The following MTUS2 variants were observed in gnomAD, a reference collection of about 807,000 sequenced individuals.
MTUS2 encodes the protein microtubule-associated tumor suppressor candidate 2.
In MTUS2, 40 loss-of-function variants were observed where a neutral mutation model predicts 114.1. That is an observed-to-expected ratio of 0.35 (90% CI 0.27 to 0.46). The LOEUF is 0.46. Ranked by LOEUF, MTUS2 falls within the 20% of genes least tolerant of loss-of-function variation. The probability of loss-of-function intolerance (pLI) is 1.00; values close to 1 mark genes in which losing one functional copy is unlikely to be tolerated. For missense variants in MTUS2, 1,679 were observed against 1,705.4 expected, an observed-to-expected ratio of 0.98 and a Z score of 0.27; for synonymous variants, 688 against 672.0, an observed-to-expected ratio of 1.02 and a Z score of -0.37.
At position 29,323,608 on chromosome 13, in the gene MTUS2, A is replaced by T. The variant is rs555426653; in HGVS notation, c.2807-1005A>T. On this transcript the variant is annotated intron_variant, in intron 6 of 15. Transcript: ENST00000612955. ...CACTGATAAGAAAAAGATCTCCAAA[A>T]ATGTGGGTAGGTAAAAAGAAATTGC... 7.1e-4 allele frequency among the ~76,000 whole-genome samples: 108 copies of T among 152,278 alleles called. 1 individual carries two copies. The highest frequency in any genetic ancestry group is 2.5e-3 in the African/African-American group (105 of 41,560).
At chr13:28,890,860 C>G (rs1240067368) in intron 2 of MTUS2, among the ~76,000 whole-genome samples, 2 of 152,202 alleles carry the variant, frequency 1.3e-5, no homozygotes, top group Non-Finnish European at 2.9e-5. Context: ...TCATTTGAGC[C>G]AGCTGTGTCT....
At chr13:29,285,567 T>C (rs74530647) in intron 6 of MTUS2, among the ~76,000 whole-genome samples, 2 of 152,302 alleles carry the variant, frequency 1.3e-5, no homozygotes, top group Non-Finnish European at 2.9e-5. Flanking sequence ...AGTTAACTAC[T>C]GATTTACTAG....
At chr13:29,281,387 CTGTGTGTG>C (rs755842647) in intron 5 of MTUS2, among the ~76,000 whole-genome samples, 1 of 149,932 alleles carries the variant, frequency 6.7e-6, no homozygotes, top group Admixed American at 6.7e-5. Context: ...CATAAGCGAA[CTGTGTGTG>C]TGTGTGCATG....
At chr13:29,132,652 C>T (rs957723083) in intron 5 of MTUS2, among the ~76,000 whole-genome samples, 2 of 152,164 alleles carry the variant, frequency 1.3e-5, no homozygotes, top group Admixed American at 1.3e-4. Flanking sequence ...ATAATGTCCT[C>T]AGGGTTCATT....
chr13:28,981,781 G>A (rs1335029383), intron 2 of MTUS2, among the ~76,000 whole-genome samples: 1 of 152,192 alleles, frequency 6.6e-6, no homozygotes, highest in Non-Finnish European at 1.5e-5. Flanking sequence ...TCAGGAAACT[G>A]TGGTACTCTA....
intron 6 of MTUS2, among the ~76,000 whole-genome samples, chr13:29,309,912 T>C (rs1413047019): frequency 6.6e-6 from 1 of 152,150 alleles, no homozygotes; most frequent in Non-Finnish European, 1.5e-5. Context: ...TTTCTTTATG[T>C]TACAAACAAT....
chr13:28,848,207 T>C (rs1876016280), intron 2 of MTUS2, among the ~76,000 whole-genome samples: 2 of 152,214 alleles, frequency 1.3e-5, no homozygotes, highest in South Asian at 4.1e-4. Context: ...AAGAATTTAC[T>C]ATCTTTCCAA....
At chr13:29,441,952 A>G (rs1159329530) in intron 9 of MTUS2, among the ~76,000 whole-genome samples, 1 of 152,052 alleles carries the variant, frequency 6.6e-6, no homozygotes, top group African/African-American at 2.4e-5. Context: ...TTCTCCACTC[A>G]CCGGCTTTAG....
intron 8 of MTUS2, among the ~76,000 whole-genome samples, chr13:29,435,511 G>T (rs1392066153): frequency 3.3e-5 from 5 of 152,186 alleles, no homozygotes; most frequent in African/African-American, 1.2e-4. Context: ...CTTTCCAAGG[G>T]AGTCCCGGGT....
chr13:28,954,932 GC>G (rs1566249539), intron 2 of MTUS2, among the ~76,000 whole-genome samples: 1 of 152,136 alleles, frequency 6.6e-6, no homozygotes, highest in Non-Finnish European at 1.5e-5. Flanking sequence ...TCTGTTGACT[GC>G]CCCCAGACAG....
chr13:28,906,485 T>A (rs1243095033), intron 2 of MTUS2, among the ~76,000 whole-genome samples: 1 of 150,842 alleles, frequency 6.6e-6, no homozygotes, highest in Admixed American at 6.6e-5. Context: ...AAAGAACATC[T>A]TTATTTCTGC....
At chr13:28,975,618 A>C (rs1353524215) in intron 2 of MTUS2, among the ~76,000 whole-genome samples, 1 of 152,232 alleles carries the variant, frequency 6.6e-6, no homozygotes, top group African/African-American at 2.4e-5. Flanking sequence ...TCTGGACATA[A>C]TAACATCTGT....
At chr13:29,239,261 GGAA>G (rs1896646510) in intron 5 of MTUS2, 1 of 152,086 alleles carries the variant, frequency 6.6e-6, no homozygotes, top group Non-Finnish European at 1.5e-5. Flanking sequence ...AGTAAAGCTG[GGAA>G]GAAAGAACAC....
intron 2 of MTUS2, among the ~76,000 whole-genome samples, chr13:28,861,775 G>A (rs1050245868): frequency 1.3e-5 from 2 of 152,140 alleles, no homozygotes; most frequent in Non-Finnish European, 2.9e-5. Flanking sequence ...AGCCTGAGGA[G>A]TGCCTGTGTG....
chr13:29,388,324 G>C (rs1024435299), intron 8 of MTUS2, among the ~76,000 whole-genome samples: 1 of 151,704 alleles, frequency 6.6e-6, no homozygotes, highest in Non-Finnish European at 1.5e-5. Flanking sequence ...CTTTTTTGTC[G>C]TTTACCTGAT....
intron 7 of MTUS2, among the ~76,000 whole-genome samples, chr13:29,340,055 C>G (rs1901310622): frequency 6.6e-6 from 1 of 152,238 alleles, no homozygotes; most frequent in African/African-American, 2.4e-5. Flanking sequence ...AATCAGGACG[C>G]CAGAAAGCGC....
chr13:29,369,970 GA>G (rs1251878246), intron 8 of MTUS2, among the ~76,000 whole-genome samples: 1 of 152,136 alleles, frequency 6.6e-6, no homozygotes, highest in Non-Finnish European at 1.5e-5. Flanking sequence ...GCAATAAATA[GA>G]AAATAATTAC....
chr13:29,404,701 G>C (rs528582549), intron 8 of MTUS2, among the ~76,000 whole-genome samples: 1 of 152,154 alleles, frequency 6.6e-6, no homozygotes, highest in Non-Finnish European at 1.5e-5. Flanking sequence ...TAAACACAAA[G>C]TATAAACAGA....
intron 8 of MTUS2, among the ~76,000 whole-genome samples, chr13:29,392,785 A>C (rs1873611198): frequency 6.6e-6 from 1 of 152,156 alleles, no homozygotes; most frequent in South Asian, 2.1e-4. Flanking sequence ...GATAATAAAA[A>C]AGTTCTGGAG....
Sources: gnomAD v4.1 joint callset for allele counts (sites outside exome capture counted in the v4.1 genomes callset) on GRCh38, gnomAD v4.1.1 for gene constraint, MANE v1.5 for transcripts, NCBI Gene and HGNC (gene_info 2026-07-23, HGNC 2026-07-21) for gene names.